The following AKT1 variants were observed in gnomAD, a reference collection of about 807,000 sequenced individuals.
AKT1 encodes AKT serine/threonine kinase 1, also known as RAC-alpha serine/threonine-protein kinase.
AKT1 carries 21 observed loss-of-function variants against 63.1 expected under a neutral mutation model. The observed-to-expected ratio is 0.33, with a 90% CI of 0.24 to 0.48. AKT1 has a LOEUF of 0.48. Ranked by LOEUF, AKT1 falls within the 20% of genes least tolerant of loss-of-function variation. The probability of loss-of-function intolerance (pLI) is 0.99; values close to 1 mark genes in which losing one functional copy is unlikely to be tolerated. For missense variants in AKT1, 382 were observed against 666.0 expected (o/e 0.57, Z 4.69); for synonymous variants, 257 against 253.1 (o/e 1.02, Z -0.15).
chr14:104,772,109 T>C (rs1299585161), intron 13 of AKT1: 11 of 572,614 alleles, frequency 1.9e-5, no homozygotes, highest in Admixed American at 3.2e-5. Flanking sequence ...AGGAGGAAAC[T>C]CAGAGTGTGA....
At chr14:104,774,009 C>A in intron 8 of AKT1, 29 bp from the exon 9 acceptor site, 1 of 1,603,554 alleles carries the variant, frequency 6.2e-7, no homozygotes, top group Non-Finnish European at 8.5e-7. Context: ...GGAACTGCGG[C>A]CCCACAGGCA....
chr14:104,773,497 G>T lies in AKT1; in HGVS notation c.786C>A (p.Asp262Glu). 6.2e-7 allele frequency: 1 copy of T among 1,613,852 alleles called. No individual in the cohort carries two copies. The highest frequency in any genetic ancestry group is 8.5e-7 in the Non-Finnish European group (1 of 1,179,854). ...CCACGTTCTTCTCCGAGTGCAGGTA[G>T]TCCAGGGCTGACACAATCTCAGCGC... ...FYGAEIVSAL[D>E]YLHSEKNVVY... Residue 262 changes from aspartate (D) to glutamate (E), a missense_variant, in exon 10 of 15, where the codon GAC becomes GAA. Asp to Glu is a conservative substitution (Grantham distance 45, BLOSUM62 2). Around this residue, in one of 3 missense-constraint regions of AKT1, gnomAD observed 226 missense variants for 366.4 expected, o/e 0.62. Coordinates refer to ENST00000649815, the MANE Select transcript of AKT1 (RefSeq NM_001382430.1).
intron 3 of AKT1, among the ~76,000 whole-genome samples, chr14:104,782,635 T>C (rs1893122487): frequency 6.6e-6 from 1 of 152,010 alleles, no homozygotes; most frequent in African/African-American, 2.4e-5. Flanking sequence ...GAGGCCCAAA[T>C]GGGCCCTGGG....
intron 3 of AKT1, among the ~76,000 whole-genome samples, chr14:104,789,254 C>T (rs920823106): frequency 2.0e-5 from 3 of 152,236 alleles, no homozygotes; most frequent in East Asian, 1.9e-4. Context: ...CCCGGCCACC[C>T]GCCTCGGCCC....
chr14:104,774,237 C>T (rs988815200), intron 8 of AKT1: 15 of 548,152 alleles, frequency 2.7e-5, no homozygotes, highest in Non-Finnish European at 3.7e-5. Context: ...TGCCCCACAC[C>T]ACACTGCCCC....
chr14:104,786,031 C>T (rs1893312974), intron 3 of AKT1, among the ~76,000 whole-genome samples: 1 of 152,134 alleles, frequency 6.6e-6, no homozygotes, highest in Admixed American at 6.5e-5. Context: ...GGCAAAGGCA[C>T]CCCACCTGCC....
At chr14:104,784,760 C>A (rs1330788060) in intron 3 of AKT1, among the ~76,000 whole-genome samples, 1 of 152,174 alleles carries the variant, frequency 6.6e-6, no homozygotes, top group Non-Finnish European at 1.5e-5. Flanking sequence ...TCAGGCCCCC[C>A]AAAGCGGCAC....
At position 104,795,318 on chromosome 14, in the gene AKT1, C is replaced by T. The variant is rs1328835893; in HGVS notation, c.-258+166G>A. 1.3e-5 allele frequency among the ~76,000 whole-genome samples: 2 copies of T among 149,842 alleles called. No homozygotes were observed. The highest frequency in any genetic ancestry group is 1.3e-4 in the Admixed American group (2 of 15,072). On this transcript the variant is annotated intron_variant, in intron 1 of 14. Coordinates refer to ENST00000649815, the MANE Select transcript of AKT1 (RefSeq NM_001382430.1). This position sits in a 1 kb window ranked among gnomAD's most constrained non-coding sequence, Gnocchi z 5.1. The stretch of plus-strand genomic sequence containing the variant: ...CCGCCCTCCCTTGGCCGGGCCCGCG[C>T]GCCCCGCGCCCTCCCCGCCCAGGCC...
intron 3 of AKT1, among the ~76,000 whole-genome samples, chr14:104,782,693 C>G (rs1026237377): frequency 6.6e-6 from 1 of 152,192 alleles, no homozygotes; most frequent in African/African-American, 2.4e-5. Flanking sequence ...AGGGAACAGA[C>G]GGCGATCAGG....
intron 3 of AKT1, among the ~76,000 whole-genome samples, chr14:104,790,397 G>T (rs1487982234): frequency 6.6e-6 from 1 of 152,198 alleles, no homozygotes; most frequent in Non-Finnish European, 1.5e-5. Context: ...CACGGGTGGG[G>T]TCAGCCCAGC....
In AKT1 at chr14:104,792,651, G is replaced by C. The variant is rs28730786; in HGVS notation, c.-8C>G. 9.9e-6 allele frequency: 16 copies of C among 1,609,686 alleles called. No homozygotes were observed. The highest frequency in any genetic ancestry group is 1.6e-4 in the Middle Eastern group (1 of 6,082). On this transcript the variant is annotated 5_prime_UTR_variant, in exon 3 of 15. Coordinates refer to ENST00000649815, the MANE Select transcript of AKT1 (RefSeq NM_001382430.1). ...AATAGCCACGTCGCTCATGGTGCCC[G>C]AGGCTCCCGCGACGCTCACGCGCTC...
At chr14:104,771,099 C>T (rs1347644337) in intron 13 of AKT1, 11 of 514,440 alleles carry the variant, frequency 2.1e-5, no homozygotes, top group Middle Eastern at 5.0e-4. Flanking sequence ...CCCCAGCAGG[C>T]GACAGGAGGT....
At chr14:104,790,912 G>A (rs1270952641) in intron 3 of AKT1, among the ~76,000 whole-genome samples, 1 of 152,196 alleles carries the variant, frequency 6.6e-6, no homozygotes, top group African/African-American at 2.4e-5. Flanking sequence ...CTTGCTCTTG[G>A]AAAGGGTCAT....
intron 4 of AKT1, chr14:104,777,388 GCACACCTGA>G (rs1566819443): frequency 4.8e-6 from 1 of 209,048 alleles, no homozygotes; most frequent in Non-Finnish European, 7.7e-6. Flanking sequence ...TGGGGCACAC[GCACACCTGA>G]GGCACACACC....
intron 4 of AKT1, 47 bp from the exon 5 acceptor site, chr14:104,776,817 C>T: frequency 1.3e-6 from 2 of 1,538,186 alleles, no homozygotes; most frequent in Non-Finnish European, 1.8e-6. Context: ...CCTGCCCCTC[C>T]CAGGGCCCTC....
intron 4 of AKT1, chr14:104,777,336 CATACATCTGGG>C (rs1892782403): frequency 4.9e-6 from 1 of 203,966 alleles, no homozygotes; most frequent in East Asian, 1.7e-4. Flanking sequence ...CTGGGGCACA[CATACATCTGGG>C]GCACACACAC....
intron 3 of AKT1, among the ~76,000 whole-genome samples, chr14:104,782,894 G>T (rs1893136243): frequency 6.6e-6 from 1 of 152,144 alleles, no homozygotes; most frequent in Non-Finnish European, 1.5e-5. Flanking sequence ...CACTTGGGGG[G>T]GTGCCAGCTG....
At chr14:104,794,910 C>G (rs1236177288) in intron 1 of AKT1, 4 of 152,402 alleles carry the variant, frequency 2.6e-5, no homozygotes, top group African/African-American at 9.6e-5. Context: ...CTGGGATGGG[C>G]GGGCAGGACC....
At chr14:104,771,121 G>A (rs1892362291) in intron 13 of AKT1, 1 of 449,176 alleles carries the variant, frequency 2.2e-6, no homozygotes, top group Non-Finnish European at 4.0e-6. Flanking sequence ...GTGCAGCCCA[G>A]CTCTGAGAGA....
Sources: allele counts gnomAD v4.1 joint callset (sites outside exome capture counted in the v4.1 genomes callset), GRCh38; gene constraint gnomAD v4.1.1; regional missense constraint gnomAD v4.1.1; non-coding constraint Gnocchi (gnomAD v3.1); transcripts MANE v1.5; gene names NCBI Gene and HGNC (gene_info 2026-07-23, HGNC 2026-07-21).